ANKRD6: variants seen among roughly 807,000 people sequenced by gnomAD.
ANKRD6 encodes the protein ankyrin repeat domain 6.
In ANKRD6, 56 loss-of-function variants were observed where a neutral mutation model predicts 82.3. The observed-to-expected ratio is 0.68, with a 90% CI of 0.55 to 0.85. ANKRD6 has a LOEUF of 0.85. Among genes scored for constraint, ANKRD6 ranks in the 40% least tolerant of loss-of-function variants. The pLI is 0.00. For synonymous variants in ANKRD6, 347 were observed against 352.1 expected (o/e 0.99, Z 0.16); for missense variants, 852 against 907.6 (o/e 0.94, Z 0.79).
intron 1 of ANKRD6, among the ~76,000 whole-genome samples, chr6:89,463,840 C>T (rs1774504987): frequency 6.6e-6 from 1 of 152,112 alleles, no homozygotes; most frequent in East Asian, 1.9e-4. Context: ...CATAAGCCAC[C>T]ACGCCCAGTC....
chr6:89,481,328 A>G (rs528806271), intron 1 of ANKRD6, among the ~76,000 whole-genome samples: 1 of 152,306 alleles, frequency 6.6e-6, no homozygotes, highest in Non-Finnish European at 1.5e-5. Flanking sequence ...AAAATCTGAA[A>G]TGCTCCAAAA....
chr6:89,597,319 C>G (rs955988679), intron 3 of ANKRD6, among the ~76,000 whole-genome samples: 6 of 152,160 alleles, frequency 3.9e-5, no homozygotes. Context: ...TATATCATAT[C>G]CTTAGATGAC....
chr6:89,579,971 A>G (rs1194542973), intron 2 of ANKRD6, among the ~76,000 whole-genome samples: 1 of 152,124 alleles, frequency 6.6e-6, no homozygotes. Context: ...TATCTTCCAG[A>G]CTTACTAGAA....
At chr6:89,545,212 CAAAA>C (rs754348482) in intron 1 of ANKRD6, among the ~76,000 whole-genome samples, 12 of 86,362 alleles carry the variant, frequency 1.4e-4, no homozygotes, top group Non-Finnish European at 1.8e-4. Context: ...GACTCCATCT[CAAAA>C]AAAAAAAAAA....
chr6:89,557,235 G>A (rs2128043307), intron 1 of ANKRD6, among the ~76,000 whole-genome samples: 1 of 152,204 alleles, frequency 6.6e-6, no homozygotes, highest in South Asian at 2.1e-4. Flanking sequence ...GTGATTGAGG[G>A]TAAAGAAGTA....
chr6:89,520,176 G>A (rs1430173940), intron 1 of ANKRD6, among the ~76,000 whole-genome samples: 1 of 152,104 alleles, frequency 6.6e-6, no homozygotes, highest in African/African-American at 2.4e-5. Flanking sequence ...AAAGAGATGG[G>A]ATCTCACCAT....
intron 13 of ANKRD6, 64 bp from the exon 14 acceptor site, chr6:89,627,519 C>T: frequency 1.3e-6 from 2 of 1,512,966 alleles, no homozygotes; most frequent in Non-Finnish European, 1.8e-6. Context: ...TCTGCAGGAG[C>T]TGAGAAGCCA....
chr6:89,627,108 TCTC>T (rs1409225345), intron 13 of ANKRD6, among the ~76,000 whole-genome samples: 1 of 147,160 alleles, frequency 6.8e-6, no homozygotes, highest in Non-Finnish European at 1.5e-5. Context: ...AGAGTCTCTC[TCTC>T]TTTTTTTTTT....
chr6:89,547,187 A>G (rs927533094), intron 1 of ANKRD6, among the ~76,000 whole-genome samples: 4 of 62,334 alleles, frequency 6.4e-5, no homozygotes, highest in African/African-American at 2.2e-4. Flanking sequence ...ACTAGTTACA[A>G]CTTGTTATTT....
chr6:89,527,601 C>CGAAAAA (rs1782647453), intron 1 of ANKRD6, among the ~76,000 whole-genome samples: 1 of 45,684 alleles, frequency 2.2e-5, no homozygotes, highest in African/African-American at 8.7e-5. Context: ...GACTCCGTCT[C>CGAAAAA]AAAAAAAAAA....
intron 10 of ANKRD6, 68 bp downstream of exon 10, chr6:89,622,094 C>T: frequency 2.7e-6 from 4 of 1,473,488 alleles, no homozygotes; most frequent in Non-Finnish European, 3.7e-6. Flanking sequence ...TATCTCCCTG[C>T]TTCGGCCAGG....
rs894267475 is a variant in ANKRD6 at position 89,612,317 on chromosome 6, C to T, written c.463C>T (p.Gln155Ter). The T allele has an allele frequency of 1.9e-6, 3 of 1,566,584 alleles. No individual in the cohort carries two copies. In the Admixed American group the frequency reaches 5.6e-5, roughly 29 times the overall value. Residue 155 changes from glutamine (Q) to a stop codon, truncating the protein, a stop_gained, in exon 6 of 16, where the codon CAG (glutamine) becomes TAG (stop). Coordinates refer to ENST00000339746, the MANE Select transcript of ANKRD6 (RefSeq NM_001242809.2). LOFTEE classifies it high-confidence loss of function. ...CCTGGCCTGCCAGAACAGCCACTCC[C>T]AGAGCACGCGCGTCCTCCTGCTGGC... ...LHLACQNSHS[Q>*]STRVLLLAGS...
At chr6:89,488,771 G>A (rs1048000422) in intron 1 of ANKRD6, among the ~76,000 whole-genome samples, 2 of 152,082 alleles carry the variant, frequency 1.3e-5, no homozygotes, top group Admixed American at 6.5e-5. Context: ...ACTTTTAACT[G>A]TGACCCACTA....
chr6:89,491,238 A>G (rs1211721831), intron 1 of ANKRD6, among the ~76,000 whole-genome samples: 1 of 152,208 alleles, frequency 6.6e-6, no homozygotes, highest in African/African-American at 2.4e-5. Context: ...ATCCTAGAAA[A>G]TGAACATGGT....
chr6:89,550,617 T>G (rs139019014), intron 1 of ANKRD6, among the ~76,000 whole-genome samples: 1 of 152,308 alleles, frequency 6.6e-6, no homozygotes, highest in Non-Finnish European at 1.5e-5. Flanking sequence ...GTTAGAAAGT[T>G]CTACATGCTG....
chr6:89,507,744 A>G (rs1780045749), intron 1 of ANKRD6, among the ~76,000 whole-genome samples: 3 of 152,360 alleles, frequency 2.0e-5, no homozygotes, highest in Non-Finnish European at 2.9e-5. Context: ...GGGATAAAAT[A>G]AAGTAGCACA....
chr6:89,550,000 G>T (rs1408266643), intron 1 of ANKRD6, among the ~76,000 whole-genome samples: 3 of 152,138 alleles, frequency 2.0e-5, no homozygotes, highest in African/African-American at 7.2e-5. Flanking sequence ...GGAGGCTGAG[G>T]CAGGAGGATC....
At chr6:89,556,763 C>T (rs745736675) in intron 1 of ANKRD6, among the ~76,000 whole-genome samples, 10 of 152,144 alleles carry the variant, frequency 6.6e-5, no homozygotes, top group Non-Finnish European at 1.3e-4. Context: ...TTCTATGTGG[C>T]GGGCATTGAA....
chr6:89,437,060 G>A (rs1344124602), intron 1 of ANKRD6, among the ~76,000 whole-genome samples: 1 of 152,162 alleles, frequency 6.6e-6, no homozygotes, highest in African/African-American at 2.4e-5. Context: ...CCAAAATTAT[G>A]TATAAGTATT....
Sources: gnomAD v4.1 joint callset for allele counts (sites outside exome capture counted in the v4.1 genomes callset) on GRCh38, gnomAD v4.1.1 for gene constraint, MANE v1.5 for transcripts, NCBI Gene and HGNC (gene_info 2026-07-23, HGNC 2026-07-21) for gene names.